The following KIF26B variants were observed in gnomAD, a reference collection of about 807,000 sequenced individuals.
KIF26B encodes the protein kinesin-like protein KIF26B.
In KIF26B, 63 loss-of-function variants were observed where a neutral mutation model predicts 151.2. That is an observed-to-expected ratio of 0.42 (90% CI 0.34 to 0.51). The LOEUF (loss-of-function observed/expected upper bound fraction) is 0.51. KIF26B is among the 20% of genes least tolerant of loss of function. The pLI is 0.07. For synonymous variants in KIF26B, 1,357 were observed against 1,262.1 expected (o/e 1.08, Z -1.59); for missense variants, 2,813 against 2,913.6 (o/e 0.97, Z 0.79).
intron 2 of KIF26B, among the ~76,000 whole-genome samples, chr1:245,254,074 T>C (rs1002621364): frequency 6.6e-6 from 1 of 152,200 alleles, no homozygotes; most frequent in East Asian, 1.9e-4. Context: ...CCTCCCAAAG[T>C]GCTGGGATTA....
chr1:245,256,154 C>T (rs999778897), intron 2 of KIF26B, among the ~76,000 whole-genome samples: 6 of 152,166 alleles, frequency 3.9e-5, no homozygotes, highest in East Asian at 1.9e-4. Flanking sequence ...AGCTATTTGA[C>T]GTCTCAAGGT....
intron 4 of KIF26B, among the ~76,000 whole-genome samples, chr1:245,534,175 A>G (rs1384384910): frequency 7.1e-6 from 1 of 141,722 alleles, no homozygotes; most frequent in African/African-American, 2.6e-5. Context: ...TTTTTTTTTT[A>G]TTTCTGAGAC....
In KIF26B at chr1:245,540,898, C is replaced by G; in HGVS notation, c.1298C>G (p.Pro433Arg). ...ILQTSPPPAPPCLLRAVNKVK... is the reference protein window; with the variant it reads ...ILQTSPPPAPRCLLRAVNKVK... Reference sequence around the variant, plus strand: ...CAGACCTCCCCTCCCCCAGCCCCACCCTGCCTGCTGAGGGCTGTCAACAAG... The same window carrying G: ...CAGACCTCCCCTCCCCCAGCCCCACGCTGCCTGCTGAGGGCTGTCAACAAG... Residue 433 changes from proline to arginine, a missense_variant, in exon 5 of 15, where the codon CCC (proline) becomes CGC (arginine). Physicochemically the swap from Pro to Arg is moderately radical, Grantham distance 103. Transcript: ENST00000407071. The surrounding 1 kb of genome is among the most constrained non-coding windows in gnomAD (Gnocchi z 4.6). 6.2e-7 allele frequency: 1 copy of G among 1,613,988 alleles called. No homozygotes were observed. Among genetic ancestry groups the G allele is most frequent in the Non-Finnish European group, 8.5e-7 (1 of 1,179,864 alleles).
At chr1:245,322,182 T>C (rs927149316) in intron 2 of KIF26B, among the ~76,000 whole-genome samples, 3 of 149,792 alleles carry the variant, frequency 2.0e-5, no homozygotes, top group Admixed American at 6.7e-5. Flanking sequence ...TGAGAACACA[T>C]GGACACAGGG....
intron 3 of KIF26B, among the ~76,000 whole-genome samples, chr1:245,393,537 G>A (rs1673751260): frequency 6.6e-6 from 1 of 152,124 alleles, no homozygotes; most frequent in Non-Finnish European, 1.5e-5. Context: ...CTGACTGATT[G>A]TAATTTGGGA....
At chr1:245,278,225 T>C (rs2102966525) in intron 2 of KIF26B, among the ~76,000 whole-genome samples, 1 of 152,276 alleles carries the variant, frequency 6.6e-6, no homozygotes, top group Middle Eastern at 3.4e-3. Flanking sequence ...ACAATTTACC[T>C]GTATTGTTTC....
chr1:245,262,105 G>A (rs1670655701), intron 2 of KIF26B, among the ~76,000 whole-genome samples: 1 of 152,086 alleles, frequency 6.6e-6, no homozygotes, highest in African/African-American at 2.4e-5. Flanking sequence ...ACACAGATCG[G>A]GCATGTCTTT....
chr1:245,225,426 G>T (rs577756688), intron 2 of KIF26B, among the ~76,000 whole-genome samples: 1 of 152,220 alleles, frequency 6.6e-6, no homozygotes, highest in African/African-American at 2.4e-5. Flanking sequence ...GCAGATTCCT[G>T]CAAAGAGCAG....
In KIF26B at chr1:245,445,612, A is replaced by T. The variant is rs190079391; in HGVS notation, c.1166+25867A>T. Among the ~76,000 whole-genome samples the T allele has an allele frequency of 2.9e-3, 447 of 152,290 alleles. 4 individuals are homozygous for T. The highest frequency in any genetic ancestry group is 0.01 in the Middle Eastern group (3 of 294). On this transcript the variant is annotated intron_variant, in intron 4 of 14. Transcript: ENST00000407071. ...CTATTCTATTTTTGTATATGTTTAA[A>T]TTTTTCCATAATAATAGGTCAAATA...
rs185800268 is a variant in KIF26B, at chr1:245,358,940, A to G, written c.466-7894A>G. ...CTGAATCTATTTGTGAAGGGATCCT[A>G]TTTCCCAACAGCCAAGGGATATACT... On this transcript the variant is annotated intron_variant, in intron 2 of 14. Coordinates refer to ENST00000407071, the MANE Select transcript of KIF26B (RefSeq NM_018012.4). The surrounding 1 kb of genome is among the most constrained non-coding windows in gnomAD (Gnocchi z 4.1). Among the ~76,000 whole-genome samples, 2 of 152,202 alleles carry G rather than the reference A, an allele frequency of 1.3e-5. No individual in the cohort carries two copies. Among genetic ancestry groups the G allele is most frequent in the Admixed American group, 1.3e-4 (2 of 15,284 alleles).
intron 2 of KIF26B, among the ~76,000 whole-genome samples, chr1:245,175,952 ATCTATATC>A (rs1189519692): frequency 2.7e-5 from 4 of 147,602 alleles, no homozygotes; most frequent in African/African-American, 9.9e-5. Flanking sequence ...ATATATAGAT[ATCTATATC>A]TATATATATA....
chr1:245,404,116 G>A lies in KIF26B; in HGVS notation c.1000-15463G>A, dbSNP rs142847389. 3.3e-5 allele frequency among the ~76,000 whole-genome samples: 5 copies of A among 152,234 alleles called. No individual in the cohort carries two copies. The East Asian group carries it at 9.6e-4, about 29-fold the overall frequency. ...GAATCATAGTTGAGGGGACAGTGAAGGAAGAGGACAGACTGAGCTGAGGTG... is the reference window on the plus strand; with the variant it reads ...GAATCATAGTTGAGGGGACAGTGAAAGAAGAGGACAGACTGAGCTGAGGTG... On this transcript the variant is annotated intron_variant, in intron 3 of 14. Transcript: ENST00000407071.
chr1:245,335,700 G>A (rs1672208209), intron 2 of KIF26B, among the ~76,000 whole-genome samples: 1 of 146,816 alleles, frequency 6.8e-6, no homozygotes, highest in African/African-American at 2.5e-5. Context: ...GGGGAAAGAA[G>A]GGTCCCACGT....
intron 2 of KIF26B, among the ~76,000 whole-genome samples, chr1:245,332,183 T>C (rs1045730704): frequency 6.6e-6 from 1 of 152,198 alleles, no homozygotes; most frequent in Non-Finnish European, 1.5e-5. Flanking sequence ...AGTAAGCAGA[T>C]GGTTATGAAC....
chr1:245,612,379 G>A (rs1433521184), intron 9 of KIF26B, among the ~76,000 whole-genome samples: 1 of 152,006 alleles, frequency 6.6e-6, no homozygotes, highest in Non-Finnish European at 1.5e-5. Context: ...CCAAAGTGTT[G>A]GGATGAAAGG....
chr1:245,688,239 C>T lies in KIF26B; in HGVS notation c.5256C>T (p.Thr1752=). 1 of 1,590,232 alleles carries T rather than the reference C, an allele frequency of 6.3e-7. No homozygotes were observed. ...SPRARGPSAS[T]TKTLSFSTKS... is the part of the protein sequence containing the mutation. The stretch of plus-strand genomic sequence containing the variant: ...GAGCGCGCGGCCCGTCCGCCTCCAC[C>T]ACCAAAACCCTCAGCTTCTCCACCA... The change falls in exon 12 of 15, where the codon ACC becomes ACT. Residue 1752 remains threonine, a synonymous_variant. Coordinates refer to ENST00000407071, the MANE Select transcript of KIF26B (RefSeq NM_018012.4).
At chr1:245,581,476 GT>G (rs2043174088) in intron 5 of KIF26B, among the ~76,000 whole-genome samples, 1 of 152,218 alleles carries the variant, frequency 6.6e-6, no homozygotes, top group Non-Finnish European at 1.5e-5. Context: ...GCGTGTGTTT[GT>G]TTCAAAGAAT....
At position 245,602,414 on chromosome 1, in the gene KIF26B, C is replaced by T. The variant is rs1487507541; in HGVS notation, c.1351-163C>T. ...ATAAATAAATCAGTTTTCCCGTGAC[C>T]CACCAAGGATGATGTTGCTAATTCA... On this transcript the variant is annotated intron_variant, in intron 5 of 14. Transcript: ENST00000407071. The surrounding 1 kb of genome is among the most constrained non-coding windows in gnomAD (Gnocchi z 4.5). Among the ~76,000 whole-genome samples, 1 of 152,144 alleles carries T rather than the reference C, an allele frequency of 6.6e-6. No homozygotes were observed. The highest frequency in any genetic ancestry group is 1.5e-5 in the Non-Finnish European group (1 of 68,028).
At chr1:245,678,637 G>A (rs1455748522) in intron 10 of KIF26B, among the ~76,000 whole-genome samples, 1 of 152,228 alleles carries the variant, frequency 6.6e-6, no homozygotes, top group Non-Finnish European at 1.5e-5. Flanking sequence ...GCCAAGGAGG[G>A]AGGATCACGA....
Sources: allele counts gnomAD v4.1 joint callset (sites outside exome capture counted in the v4.1 genomes callset), GRCh38; gene constraint gnomAD v4.1.1; non-coding constraint Gnocchi (gnomAD v3.1); transcripts MANE v1.5; gene names NCBI Gene and HGNC (gene_info 2026-07-23, HGNC 2026-07-21).